Variants in CD1A observed in about 807,000 individuals in gnomAD.
CD1A encodes CD1a molecule, also known as T-cell surface glycoprotein CD1a.
In CD1A, 50 loss-of-function variants were observed where a neutral mutation model predicts 38.3. That is an observed-to-expected ratio of 1.30 (90% CI 1.04 to 1.65). The LOEUF is 1.65. CD1A is among the 40% of genes most tolerant of loss of function. The pLI, the probability that CD1A is intolerant of heterozygous loss-of-function variation, is 0.00. For missense variants in CD1A, 459 were observed against 406.1 expected (o/e 1.13, Z -1.12); for synonymous variants, 160 against 150.8 (o/e 1.06, Z -0.45).
chr1:158,257,016 C>T lies in CD1A; in HGVS notation c.835C>T (p.Arg279Trp), dbSNP rs141426527. 69 of 1,613,890 alleles carry T rather than the reference C, an allele frequency of 4.3e-5. No homozygotes were observed. Among genetic ancestry groups the T allele is most frequent in the African/African-American group, 8.0e-5 (6 of 74,902 alleles). Reference sequence around the variant, plus strand: ...TGGGGAGGCAGCTGACCTGTCCTGTCGGGTGAAGCACAGCAGTCTAGAGGG... The same window carrying T: ...TGGGGAGGCAGCTGACCTGTCCTGTTGGGTGAAGCACAGCAGTCTAGAGGG... ...AAGEAADLSC[R>W]VKHSSLEGQD... Residue 279 changes from arginine to tryptophan, a missense_variant, in exon 4 of 6, where the codon CGG becomes TGG. Arg to Trp is a moderately radical substitution (Grantham distance 101). Coordinates refer to ENST00000289429, the MANE Select transcript of CD1A (RefSeq NM_001763.3).
At chr1:158,254,993 C>A in intron 1 of CD1A, 91 bp from the exon 2 acceptor site, 1 of 1,315,518 alleles carries the variant, frequency 7.6e-7, no homozygotes, top group Non-Finnish European at 1.1e-6. Context: ...CCCTTTTCTC[C>A]AGATTCTGAG....
chr1:158,251,300 CGT>C (rs1222695383), upstream of CD1A, among the ~76,000 whole-genome samples: 1 of 152,172 alleles, frequency 6.6e-6, no homozygotes, highest in African/African-American at 2.4e-5. Flanking sequence ...AGAAAATCCA[CGT>C]GTGAGTAAAT....
At chr1:158,248,605 G>T in the CD1A span, among the ~76,000 whole-genome samples, 2 of 152,164 alleles carry the variant, frequency 1.3e-5, no homozygotes, top group African/African-American at 4.8e-5. Flanking sequence ...GGGGTTTCCT[G>T]TGTCCAGGGA....
intron 4 of CD1A, 51 bp downstream of exon 4, chr1:158,257,115 G>T (rs1203948604): frequency 1.9e-6 from 3 of 1,549,948 alleles, no homozygotes; most frequent in Non-Finnish European, 2.6e-6. Context: ...TGGACCTCAG[G>T]CATAGAGGGA....
intron 1 of CD1A, 42 bp downstream of exon 1, chr1:158,254,769 GTCTC>G (rs3832018): frequency 2.9e-5 from 34 of 1,169,484 alleles, no homozygotes; most frequent in Non-Finnish European, 3.8e-5. Flanking sequence ...GTGGGTGAAG[GTCTC>G]TCTCTCTCTC....
At chr1:158,255,465 C>A in intron 2 of CD1A, 115 bp downstream of exon 2, 1 of 1,170,030 alleles carries the variant, frequency 8.5e-7, no homozygotes, top group Non-Finnish European at 1.2e-6. Context: ...TCTATTCTTT[C>A]CACCATAAAA....
chr1:158,250,079 A>G (rs888456261), upstream of CD1A, among the ~76,000 whole-genome samples: 7 of 152,234 alleles, frequency 4.6e-5, no homozygotes, highest in African/African-American at 1.4e-4. Flanking sequence ...TGTGGGATGC[A>G]TGCCCCCAAA....
At chr1:158,251,647 C>T (rs1055740136), upstream of CD1A, among the ~76,000 whole-genome samples, 1 of 152,106 alleles carries the variant, frequency 6.6e-6, no homozygotes, top group Non-Finnish European at 1.5e-5. Context: ...GGTGCAGTCT[C>T]ATTCTTAGGC....
In CD1A at chr1:158,255,236, T is replaced by C. The variant is rs775908388; in HGVS notation, c.211T>C (p.Ser71Pro). 3.7e-5 allele frequency: 60 copies of C among 1,613,932 alleles called. No homozygotes were observed. Among genetic ancestry groups the C allele is most frequent in the Non-Finnish European group, 4.7e-5 (55 of 1,179,990 alleles). Residue 71 changes from serine to proline, a missense_variant, in exon 2 of 6, where the codon TCC becomes CCC. Coordinates refer to ENST00000289429, the MANE Select transcript of CD1A (RefSeq NM_001763.3). Reference protein sequence around the residue: ...SSTIVFLCPWSRGNFSNEEWK... With the variant: ...SSTIVFLCPWPRGNFSNEEWK... ...CACCATCGTTTTCCTGTGCCCCTGG[T>C]CCAGGGGAAACTTCAGCAATGAGGA...
Position 158,257,983 on chromosome 1 carries a change from A to G in CD1A, c.*293A>G. The G allele has an allele frequency of 2.6e-6, 1 of 384,652 alleles. No individual in the cohort carries two copies. The highest frequency in any genetic ancestry group is 4.7e-6 in the Non-Finnish European group (1 of 211,876). The allele number at this position is 384,652 out of a possible 1,614,324, so 23.8% of individuals were successfully genotyped here. A position where few individuals can be genotyped will look rare whatever the true frequency, so the allele number is the denominator to read the frequency against. On this transcript the variant is annotated 3_prime_UTR_variant, in exon 6 of 6. Transcript: ENST00000289429. Reference sequence around the variant, plus strand: ...CCACATGTTCAACTATTAATGGATCATCAGGCCTGTTTTAGATATCCCTTA... The same window carrying G: ...CCACATGTTCAACTATTAATGGATCGTCAGGCCTGTTTTAGATATCCCTTA...
At chr1:158,251,301 G>C (rs34250639), upstream of CD1A, among the ~76,000 whole-genome samples, 1 of 152,274 alleles carries the variant, frequency 6.6e-6, no homozygotes, top group African/African-American at 2.4e-5. Context: ...GAAAATCCAC[G>C]TGTGAGTAAA....
chr1:158,254,031 G>GTTTTTTTTTGTTTTTT (rs1650154615), upstream of CD1A: 1 of 53,592 alleles, frequency 1.9e-5, no homozygotes, highest in African/African-American at 9.4e-5. Flanking sequence ...TGTTCCTGTG[G>GTTTTTTTTTGTTTTTT]TTTTTTTTTT....
In CD1A at chr1:158,257,954, A is replaced by T; in HGVS notation, c.*264A>T. ...CTCCAGATGGAATGGGGTCCTAGCAACCTCCACATGTTCAACTATTAATGG... is the reference window on the plus strand; with the variant it reads ...CTCCAGATGGAATGGGGTCCTAGCATCCTCCACATGTTCAACTATTAATGG... On this transcript the variant is annotated 3_prime_UTR_variant, in exon 6 of 6. Transcript: ENST00000289429. 1 of 462,826 alleles carries T rather than the reference A, an allele frequency of 2.2e-6. No homozygotes were observed. The highest frequency in any genetic ancestry group is 3.9e-6 in the Non-Finnish European group (1 of 258,244). The allele number at this position is 462,826 out of a possible 1,614,324, so 28.7% of individuals were successfully genotyped here.
chr1:158,257,146 G>T, intron 4 of CD1A, 82 bp downstream of exon 4: 1 of 1,486,846 alleles, frequency 6.7e-7, no homozygotes, highest in Non-Finnish European at 9.0e-7. Flanking sequence ...AAAATTTTAG[G>T]ATTTTAGGGA....
At position 158,256,098 on chromosome 1, in the gene CD1A, T is replaced by G; in HGVS notation, c.420T>G (p.Phe140Leu). 6.2e-7 allele frequency: 1 copy of G among 1,614,194 alleles called. No homozygotes were observed. The highest frequency in any genetic ancestry group is 1.1e-5 in the South Asian group (1 of 91,084). ...FLQLAYQGSD[F>L]VSFQNNSWLP... Reference sequence around the variant, plus strand: ...AGTTAGCTTATCAAGGATCAGACTTTGTGAGCTTCCAGAACAATTCATGGT... The same window carrying G: ...AGTTAGCTTATCAAGGATCAGACTTGGTGAGCTTCCAGAACAATTCATGGT... The change falls in exon 3 of 6, where the codon TTT (phenylalanine) becomes TTG (leucine). Residue 140 changes from phenylalanine to leucine, a missense_variant. Physicochemically the swap from Phe to Leu is conservative, Grantham distance 22. Transcript: ENST00000289429.
chr1:158,257,048 C>T lies in CD1A; in HGVS notation c.867C>T (p.Asp289=), dbSNP rs1288810938. ...RVKHSSLEGQ[D]IVLYWEHHSS... ...AGCACAGCAGTCTAGAGGGCCAGGA[C>T]ATCGTCCTCTACTGGGGTGAGAAAA... Residue 289 remains aspartate (D), a synonymous_variant, in exon 4 of 6, where the codon GAC becomes GAT. Coordinates refer to ENST00000289429, the MANE Select transcript of CD1A (RefSeq NM_001763.3). 2 of 1,611,298 alleles carry T rather than the reference C, an allele frequency of 1.2e-6. No homozygotes were observed. Among genetic ancestry groups the T allele is most frequent in the African/African-American group, 1.3e-5 (1 of 74,836 alleles).
At chr1:158,256,411 G>C in intron 3 of CD1A, 129 bp downstream of exon 3, 1 of 889,566 alleles carries the variant, frequency 1.1e-6, no homozygotes, top group South Asian at 1.7e-5. Flanking sequence ...CCTCACATCT[G>C]TAATCCCAGT....
intron 1 of CD1A, 56 bp downstream of exon 1, chr1:158,254,783 CTCTGTGTGTGTGTGTGTGTGTGTG>C: frequency 3.3e-6 from 3 of 918,062 alleles, no homozygotes; most frequent in Non-Finnish European, 1.7e-6. Context: ...CTCTCTCTCT[CTCTGTGTGTGTGTGTGTGTGTGTG>C]TGTGTGTGTG....
In CD1A at chr1:158,255,260, G is replaced by T. The variant is rs148007865; in HGVS notation, c.235G>T (p.Glu79Ter). The change falls in exon 2 of 6, where the codon GAG (glutamate) becomes TAG (stop). Residue 79 changes from glutamate (E) to a stop codon, truncating the protein, a stop_gained. Coordinates refer to ENST00000289429, the MANE Select transcript of CD1A (RefSeq NM_001763.3). LOFTEE classifies it high-confidence loss of function. ...PWSRGNFSNEEWKELETLFRI... is the reference protein window; with the variant it reads ...PWSRGNFSNE ...GTCCAGGGGAAACTTCAGCAATGAG[G>T]AGTGGAAGGAACTGGAAACATTATT... 5.6e-6 allele frequency: 9 copies of T among 1,614,060 alleles called. No individual in the cohort carries two copies. In the East Asian group the frequency reaches 1.1e-4, roughly 20 times the overall value.
Sources: allele counts gnomAD v4.1 joint callset (sites outside exome capture counted in the v4.1 genomes callset), GRCh38; gene constraint gnomAD v4.1.1; transcripts MANE v1.5; gene names NCBI Gene and HGNC (gene_info 2026-07-23, HGNC 2026-07-21).